The following RNF208 variants were observed in gnomAD, a reference collection of about 807,000 sequenced individuals.
RNF208 encodes the protein ring finger protein 208.
Under a neutral mutation model 15.2 loss-of-function variants are expected in RNF208, and 7 were observed. The ratio of observed to expected loss-of-function variants is 0.46; its 90% CI spans 0.26 to 0.86. The LOEUF is 0.86. Among genes scored for constraint, RNF208 ranks in the 40% least tolerant of loss-of-function variants. The pLI is 0.16. For missense variants in RNF208, 342 were observed against 364.1 expected (o/e 0.94, Z 0.49); for synonymous variants, 211 against 163.2 (o/e 1.29, Z -2.23).
At position 137,221,146 on chromosome 9, in the gene RNF208, C is replaced by A. The variant is rs1835862633; in HGVS notation, c.67G>T (p.Gly23Cys). 6.3e-7 allele frequency: 1 copy of A among 1,582,842 alleles called. No individual in the cohort carries two copies. Among genetic ancestry groups the A allele is most frequent in the Non-Finnish European group, 8.6e-7 (1 of 1,162,338 alleles). The part of the protein sequence containing the change: ...WPGLLMSCLK[G>C]PHVILKMEAM... ...TCCATCTTGAGGATGACATGGGGACCCTTCAGGCAGGACATGAGGAGGCCC... is the reference window on the plus strand; with the variant it reads ...TCCATCTTGAGGATGACATGGGGACACTTCAGGCAGGACATGAGGAGGCCC... The change falls in exon 2 of 2, where the codon GGT becomes TGT. Residue 23 changes from glycine (G) to cysteine (C), a missense_variant. Physicochemically the swap from Gly to Cys is radical, Grantham distance 159. This residue lies in a region of RNF208 where 207 missense variants were observed against 193.7 expected (regional missense o/e 1.07). Coordinates refer to ENST00000391553, the MANE Select transcript of RNF208 (RefSeq NM_031297.7).
rs769744012 is a variant in RNF208 at position 137,220,676 on chromosome 9, G to C, written c.537C>G (p.Pro179=). 6.2e-7 allele frequency: 1 copy of C among 1,612,576 alleles called. No individual in the cohort carries two copies. The highest frequency in any genetic ancestry group is 1.7e-5 in the Admixed American group (1 of 60,010). The stretch of plus-strand genomic sequence containing the variant: ...TGGGGCAGGAGATGAACTTGTACTT[G>C]GGGCAGGACTCGTAGAGAATCTGCA... The part of the protein sequence containing the change: ...QCLQILYESC[P]KYKFISCPTC... Residue 179 remains proline (P), a synonymous_variant, in exon 2 of 2, where the codon CCC becomes CCG. Transcript: ENST00000391553.
chr9:137,223,230 C>T (rs1017906265), upstream of RNF208, among the ~76,000 whole-genome samples: 14 of 152,252 alleles, frequency 9.2e-5, no homozygotes, highest in African/African-American at 3.1e-4. Context: ...GGGCGAGTGT[C>T]ACTCAGAAGA....
chr9:137,221,290 C>A lies in RNF208; in HGVS notation c.-78G>T. 9.4e-7 allele frequency: 1 copy of A among 1,060,064 alleles called. No individual in the cohort carries two copies. The highest frequency in any genetic ancestry group is 1.3e-6 in the Non-Finnish European group (1 of 787,410). The allele number at this position is 1,060,064 out of a possible 1,614,324, so 65.7% of individuals were successfully genotyped here. A position where few individuals can be genotyped will look rare whatever the true frequency, so the allele number is the denominator to read the frequency against. On this transcript the variant is annotated 5_prime_UTR_variant, in exon 2 of 2. An upstream start codon of the reference 5' UTR is lost. Coordinates refer to ENST00000391553, the MANE Select transcript of RNF208 (RefSeq NM_031297.7). Reference sequence around the variant, plus strand: ...GGCTGGGGGGCAGGTGACAGGGCAGCATCCTGGTCCCGCCAGGCCTGGGGG... The same window carrying A: ...GGCTGGGGGGCAGGTGACAGGGCAGAATCCTGGTCCCGCCAGGCCTGGGGG...
In RNF208 at chr9:137,220,342, G is replaced by C. The variant is rs1382102946; in HGVS notation, c.*85C>G. The C allele has an allele frequency of 7.2e-7, 1 of 1,383,836 alleles. No individual in the cohort carries two copies. Among genetic ancestry groups the C allele is most frequent in the East Asian group, 2.5e-5 (1 of 40,532 alleles). 85.7% of individuals were successfully genotyped at this position (1,383,836 alleles called of 1,614,324 possible). On this transcript the variant is annotated 3_prime_UTR_variant, in exon 2 of 2. Transcript: ENST00000391553. ...GCCGGAAGCCATGGTGGGGAAGGAA[G>C]GGTCAGCGGGCGGCAGGGCAGGGCC...
chr9:137,223,382 C>T (rs1454076547), upstream of RNF208, among the ~76,000 whole-genome samples: 4 of 152,228 alleles, frequency 2.6e-5, no homozygotes, highest in African/African-American at 7.2e-5. Flanking sequence ...TGCTCACCGA[C>T]CCGGCGTGCG....
chr9:137,223,312 G>A (rs1229279478), upstream of RNF208, among the ~76,000 whole-genome samples: 1 of 152,238 alleles, frequency 6.6e-6, no homozygotes, highest in African/African-American at 2.4e-5. Flanking sequence ...GCAAGATGGT[G>A]GGGCAACTGA....
At chr9:137,222,712 G>C (rs545872521), upstream of RNF208, among the ~76,000 whole-genome samples, 1 of 152,378 alleles carries the variant, frequency 6.6e-6, no homozygotes, top group Non-Finnish European at 1.5e-5. Context: ...AGAGCGGGGC[G>C]GGCGGAGCGG....
Position 137,220,993 on chromosome 9 carries a change from C to G in RNF208, c.220G>C (p.Val74Leu). Residue 74 changes from valine (V) to leucine (L), a missense_variant, in exon 2 of 2, where the codon GTC becomes CTC. Transcript: ENST00000391553. ...ATGTCCCCCCCACAGGCCTGGTTGA[C>G]AATGATCTCTGTGTCTGAGGGCCAG... The part of the protein sequence containing the change: ...RAWPSDTEII[V>L]NQACGGDMPA... 1 of 1,567,654 alleles carries G rather than the reference C, an allele frequency of 6.4e-7. No homozygotes were observed. The highest frequency in any genetic ancestry group is 8.7e-7 in the Non-Finnish European group (1 of 1,154,414).
In RNF208 at chr9:137,220,326, C is replaced by G; in HGVS notation, c.*101G>C. The G allele has an allele frequency of 7.7e-7, 1 of 1,296,042 alleles. No individual in the cohort carries two copies. Among genetic ancestry groups the G allele is most frequent in the Non-Finnish European group, 1.0e-6 (1 of 965,936 alleles). The allele number at this position is 1,296,042 out of a possible 1,614,324, so 80.3% of individuals were successfully genotyped here. A position where few individuals can be genotyped will look rare whatever the true frequency, so the allele number is the denominator to read the frequency against. On this transcript the variant is annotated 3_prime_UTR_variant, in exon 2 of 2. Transcript: ENST00000391553. Reference sequence around the variant, plus strand: ...TGCCACTCGGGGTGGGGCCGGAAGCCATGGTGGGGAAGGAAGGGTCAGCGG... The same window carrying G: ...TGCCACTCGGGGTGGGGCCGGAAGCGATGGTGGGGAAGGAAGGGTCAGCGG...
chr9:137,221,258 T>TTGG lies in RNF208; in HGVS notation c.-47_-46insCCA. ...TGGATGTTCGGGTGGGTGGGGGCGTTGTGTGGGGCTGGGGGGCAGGTGACA... is the reference window on the plus strand; with the variant it reads ...TGGATGTTCGGGTGGGTGGGGGCGTTTGGGTGTGGGGCTGGGGGGCAGGTGACA... On this transcript the variant is annotated 5_prime_UTR_variant, in exon 2 of 2. Coordinates refer to ENST00000391553, the MANE Select transcript of RNF208 (RefSeq NM_031297.7). 4.3e-6 allele frequency: 2 copies of TTGG among 468,960 alleles called. No individual in the cohort carries two copies. The highest frequency in any genetic ancestry group is 5.6e-6 in the Non-Finnish European group (2 of 358,784). The allele number at this position is 468,960 out of a possible 1,614,324, so 29.0% of individuals were successfully genotyped here.
chr9:137,222,732 C>CCGAGGCCGGTGGACGGA (rs1425911487), upstream of RNF208, among the ~76,000 whole-genome samples: 4 of 152,266 alleles, frequency 2.6e-5, no homozygotes, highest in Admixed American at 6.5e-5. Flanking sequence ...GATCAGAAGG[C>CCGAGGCCGGTGGACGGA]CGAGGCCGGT....
At chr9:137,222,491 G>C (rs1201003683), upstream of RNF208, among the ~76,000 whole-genome samples, 1 of 152,028 alleles carries the variant, frequency 6.6e-6, no homozygotes, top group East Asian at 1.9e-4. Context: ...AGGAGAATCC[G>C]GCTGTTCTCC....
In RNF208 at chr9:137,221,309, C is replaced by G; in HGVS notation, c.-97G>C. 3 of 880,612 alleles carry G rather than the reference C, an allele frequency of 3.4e-6. No individual in the cohort carries two copies. The highest frequency in any genetic ancestry group is 2.2e-5 in the South Asian group (1 of 45,622). 54.5% of individuals were successfully genotyped at this position (880,612 alleles called of 1,614,324 possible). ...GGGCAGCATCCTGGTCCCGCCAGGCCTGGGGGGGGCCCCGGACGGCCCGTG... is the reference window on the plus strand; with the variant it reads ...GGGCAGCATCCTGGTCCCGCCAGGCGTGGGGGGGGCCCCGGACGGCCCGTG... On this transcript the variant is annotated 5_prime_UTR_variant, in exon 2 of 2. Transcript: ENST00000391553.
Position 137,220,411 on chromosome 9 carries a change from G to GGGCA in RNF208, c.*12_*15dup. On this transcript the variant is annotated 3_prime_UTR_variant, in exon 2 of 2. Transcript: ENST00000391553. ...CGAGCGAGGCTCAGCGGGCAGTGGC[G>GGGCA]GGCAGGCAGGCGCTACTACATGATG... 1 of 1,541,416 alleles carries GGGCA rather than the reference G, an allele frequency of 6.5e-7. No individual in the cohort carries two copies. The highest frequency in any genetic ancestry group is 8.8e-7 in the Non-Finnish European group (1 of 1,142,370).
chr9:137,222,974 G>C (rs961782199), upstream of RNF208, among the ~76,000 whole-genome samples: 9 of 152,238 alleles, frequency 5.9e-5, no homozygotes, highest in Admixed American at 2.6e-4. Flanking sequence ...CCAGGGCTTC[G>C]AGGGCCTCCG....
chr9:137,221,502 G>T lies in RNF208; in HGVS notation c.-290C>A, dbSNP rs1208868120. 1.4e-5 allele frequency: 3 copies of T among 216,534 alleles called. No individual in the cohort carries two copies. The highest frequency in any genetic ancestry group is 7.5e-5 in the African/African-American group (3 of 39,810). The allele number at this position is 216,534 out of a possible 1,614,324, so 13.4% of individuals were successfully genotyped here. ...CCCTGGGCTGGGGGTCTGGCCCAGGGTCTCACCCAGGGTCTCTGGCTGCTG... is the reference window on the plus strand; with the variant it reads ...CCCTGGGCTGGGGGTCTGGCCCAGGTTCTCACCCAGGGTCTCTGGCTGCTG... On this transcript the variant is annotated 5_prime_UTR_variant, in exon 2 of 2. Coordinates refer to ENST00000391553, the MANE Select transcript of RNF208 (RefSeq NM_031297.7).
Position 137,220,750 on chromosome 9 carries a change from G to T in RNF208, c.463C>A (p.Arg155=), listed in dbSNP as rs753418611. The part of the protein sequence containing the change: ...TCGHSYNVTQ[R]RPRVLSCLHS... Reference sequence around the variant, plus strand: ...AGGCAGGACAGCACGCGGGGCCTCCGCTGGGTGACATTGTAGGAGTGCCCA... The same window carrying T: ...AGGCAGGACAGCACGCGGGGCCTCCTCTGGGTGACATTGTAGGAGTGCCCA... Residue 155 remains arginine, a synonymous_variant, in exon 2 of 2, where the codon CGG becomes AGG. Coordinates refer to ENST00000391553, the MANE Select transcript of RNF208 (RefSeq NM_031297.7). The T allele has an allele frequency of 6.2e-7, 1 of 1,612,228 alleles. No homozygotes were observed. The highest frequency in any genetic ancestry group is 8.5e-7 in the Non-Finnish European group (1 of 1,179,784).
chr9:137,220,859 C>G lies in RNF208; in HGVS notation c.354G>C (p.Val118=), dbSNP rs748561616. ...PRVAPEDEVI[V]NQYVIRPGPS... ...GGCCAGGCCGAATCACGTACTGATTCACAATGACCTCATCCTCTGGGGCCA... is the reference window on the plus strand; with the variant it reads ...GGCCAGGCCGAATCACGTACTGATTGACAATGACCTCATCCTCTGGGGCCA... Residue 118 remains valine, a synonymous_variant, in exon 2 of 2, where the codon GTG becomes GTC. Coordinates refer to ENST00000391553, the MANE Select transcript of RNF208 (RefSeq NM_031297.7). 1 of 1,597,114 alleles carries G rather than the reference C, an allele frequency of 6.3e-7. No homozygotes were observed. The highest frequency in any genetic ancestry group is 1.1e-5 in the South Asian group (1 of 90,006).
Position 137,221,335 on chromosome 9 carries a change from G to A in RNF208, c.-123C>T. On this transcript the variant is annotated 5_prime_UTR_variant, in exon 2 of 2. Coordinates refer to ENST00000391553, the MANE Select transcript of RNF208 (RefSeq NM_031297.7). Reference sequence around the variant, plus strand: ...TGGGGGGGGCCCCGGACGGCCCGTGGACTCCTAGGGACAGCCGGCGAGAGT... The same window carrying A: ...TGGGGGGGGCCCCGGACGGCCCGTGAACTCCTAGGGACAGCCGGCGAGAGT... 2 of 596,686 alleles carry A rather than the reference G, an allele frequency of 3.4e-6. No homozygotes were observed. Among genetic ancestry groups the A allele is most frequent in the South Asian group, 6.2e-5 (2 of 32,460 alleles). The allele number at this position is 596,686 out of a possible 1,614,324, so 37.0% of individuals were successfully genotyped here.
Sources: gnomAD v4.1 joint callset for allele counts (sites outside exome capture counted in the v4.1 genomes callset) on GRCh38, gnomAD v4.1.1 for gene constraint, gnomAD v4.1.1 regional missense constraint, MANE v1.5 for transcripts, NCBI Gene and HGNC (gene_info 2026-07-23, HGNC 2026-07-21) for gene names.